The following IPCEF1 variants were observed in gnomAD, a reference collection of about 807,000 sequenced individuals.
IPCEF1 encodes interactor protein for cytohesin exchange factors 1.
Under a neutral mutation model 50.9 loss-of-function variants are expected in IPCEF1, and 31 were observed. The observed-to-expected ratio is 0.61, with a 90% CI of 0.46 to 0.82. IPCEF1 has a LOEUF of 0.82. Ranked by LOEUF, IPCEF1 falls within the 40% of genes least tolerant of loss-of-function variation. IPCEF1 has a pLI of 0.00. For synonymous variants in IPCEF1, 181 were observed against 192.0 expected (o/e 0.94, Z 0.47); for missense variants, 458 against 514.0 (o/e 0.89, Z 1.05).
At chr6:154,255,390 C>T (rs62433242) in intron 3 of IPCEF1, among the ~76,000 whole-genome samples, 19,284 of 152,252 alleles carry the variant, frequency 0.13, 1,413 homozygotes, top group Non-Finnish European at 0.17. Flanking sequence ...AACTATCACA[C>T]TGATCGATTT....
intron 1 of IPCEF1, among the ~76,000 whole-genome samples, chr6:154,299,518 C>T (rs372570146): frequency 7.1e-6 from 1 of 141,260 alleles, no homozygotes; most frequent in African/African-American, 2.5e-5. Flanking sequence ...ACACTGCATG[C>T]CCTCACTTAT....
intron 7 of IPCEF1, among the ~76,000 whole-genome samples, chr6:154,215,419 C>A (rs1028247388): frequency 6.6e-6 from 1 of 152,014 alleles, no homozygotes; most frequent in African/African-American, 2.4e-5. Context: ...GCCTGACCAA[C>A]AGGGAGAAAC....
intron 1 of IPCEF1, among the ~76,000 whole-genome samples, chr6:154,295,159 C>T (rs1384626379): frequency 6.6e-6 from 1 of 151,944 alleles, no homozygotes; most frequent in Non-Finnish European, 1.5e-5. Flanking sequence ...GATTGCGCCA[C>T]TGCACTCCAG....
At chr6:154,178,145 G>A (rs1378399379) in intron 10 of IPCEF1, among the ~76,000 whole-genome samples, 1 of 151,708 alleles carries the variant, frequency 6.6e-6, no homozygotes, top group Non-Finnish European at 1.5e-5. Flanking sequence ...GTTGGTGGGT[G>A]GGGGGCTGGG....
At chr6:154,327,629 A>G (rs1382865959) in intron 1 of IPCEF1, among the ~76,000 whole-genome samples, 2 of 152,222 alleles carry the variant, frequency 1.3e-5, no homozygotes, top group Non-Finnish European at 2.9e-5. Context: ...GTGGGAATGT[A>G]AATTAGTTCA....
chr6:154,349,317 G>A lies in IPCEF1; in HGVS notation c.-62+7355C>T, dbSNP rs558449874. ...AGTGATCCTCCTGCCTCCATCTCCT[G>A]AGTAGCTGAGACTACAGGCATGCTC... On this transcript the variant is annotated intron_variant, in intron 1 of 11. Transcript: ENST00000367220. Among the ~76,000 whole-genome samples the A allele has an allele frequency of 1.2e-4, 18 of 151,692 alleles. No homozygotes were observed. The East Asian group carries it at 3.5e-3, about 29-fold the overall frequency.
At chr6:154,243,425 T>C (rs895801028) in intron 5 of IPCEF1, among the ~76,000 whole-genome samples, 22 of 152,196 alleles carry the variant, frequency 1.4e-4, no homozygotes, top group African/African-American at 4.3e-4. Flanking sequence ...CAATGAATTC[T>C]AGGTAGTATA....
In IPCEF1 at chr6:154,223,242, G is replaced by T; in HGVS notation, c.248C>A (p.Ala83Glu). The T allele has an allele frequency of 6.2e-7, 1 of 1,611,052 alleles. No homozygotes were observed. Residue 83 changes from alanine (A) to glutamate (E), a missense_variant and splice_region_variant, in exon 6 of 12, where the codon GCA becomes GAA. Ala to Glu is a moderately radical substitution (Grantham distance 107, BLOSUM62 -1). Transcript: ENST00000367220. The part of the protein sequence containing the change: ...SSLYWYSNQM[A>E]EKADGFVNLP... The stretch of plus-strand genomic sequence containing the variant: ...GTTGACAAATCCATCAGCTTTCTCT[G>T]CCTGAAACAAATATATACCACAAAT...
chr6:154,171,018 A>C (rs1160834386), intron 10 of IPCEF1, among the ~76,000 whole-genome samples: 3 of 152,192 alleles, frequency 2.0e-5, no homozygotes, highest in African/African-American at 7.2e-5. Context: ...CTACAGGTGC[A>C]TGCCACCATG....
chr6:154,304,464 G>A (rs552286051), intron 1 of IPCEF1, among the ~76,000 whole-genome samples: 3 of 151,206 alleles, frequency 2.0e-5, no homozygotes, highest in Admixed American at 1.3e-4. Flanking sequence ...GGAAGGGTTG[G>A]CATCTCATTC....
intron 3 of IPCEF1, among the ~76,000 whole-genome samples, chr6:154,256,568 CGTGTGT>C (rs67830808): frequency 1.4e-5 from 2 of 147,588 alleles, no homozygotes; most frequent in Non-Finnish European, 3.0e-5. Flanking sequence ...TCTCTCTGTG[CGTGTGT>C]GTGTGTGTGT....
At chr6:154,208,410 C>A (rs1374823938) in intron 9 of IPCEF1, among the ~76,000 whole-genome samples, 1 of 152,330 alleles carries the variant, frequency 6.6e-6, no homozygotes, top group South Asian at 2.1e-4. Flanking sequence ...CCTGGCTCCT[C>A]TATTCTTTGC....
Position 154,157,267 on chromosome 6 carries a change from C to G in IPCEF1, c.*2561G>C, listed in dbSNP as rs1230177256. The G allele has an allele frequency of 2.0e-5, 3 of 152,314 alleles. No individual in the cohort carries two copies. The highest frequency in any genetic ancestry group is 7.2e-5 in the African/African-American group (3 of 41,462). The allele number at this position is 152,314 out of a possible 1,614,324, so 9.4% of individuals were successfully genotyped here. ...CACGTCTTAGTGGCCACAGCCTAGG[C>G]TGAGAACTCACAGAAGCAGCCCTAC... On this transcript the variant is annotated 3_prime_UTR_variant, in exon 12 of 12. Transcript: ENST00000367220.
chr6:154,170,757 C>A (rs1799807581), intron 10 of IPCEF1, among the ~76,000 whole-genome samples: 1 of 152,122 alleles, frequency 6.6e-6, no homozygotes, highest in South Asian at 2.1e-4. Flanking sequence ...CCCTTCACAC[C>A]CAGGGTGGCT....
intron 1 of IPCEF1, among the ~76,000 whole-genome samples, chr6:154,296,921 G>A (rs1039588764): frequency 6.6e-6 from 1 of 152,110 alleles, no homozygotes; most frequent in African/African-American, 2.4e-5. Context: ...AAGGCTGACA[G>A]GGCCCCAGCC....
chr6:154,281,910 A>T (rs1387422600), intron 2 of IPCEF1, among the ~76,000 whole-genome samples: 1 of 152,202 alleles, frequency 6.6e-6, no homozygotes, highest in Non-Finnish European at 1.5e-5. Context: ...AGGCTGAGAC[A>T]GGAGAATAAC....
At chr6:154,221,515 A>C (rs1223387365) in intron 6 of IPCEF1, among the ~76,000 whole-genome samples, 187 bp from the exon 7 acceptor site, 1 of 152,222 alleles carries the variant, frequency 6.6e-6, no homozygotes, top group Non-Finnish European at 1.5e-5. Context: ...ACTAAGAGTC[A>C]ATTTTTTATG....
intron 1 of IPCEF1, among the ~76,000 whole-genome samples, chr6:154,312,350 A>G (rs980922259): frequency 3.3e-5 from 5 of 151,996 alleles, no homozygotes; most frequent in African/African-American, 1.2e-4. Flanking sequence ...TCAAAGAATC[A>G]AAACTTTTTT....
At chr6:154,312,817 G>T (rs1053696960) in intron 1 of IPCEF1, among the ~76,000 whole-genome samples, 2 of 152,038 alleles carry the variant, frequency 1.3e-5, no homozygotes, top group African/African-American at 2.4e-5. Flanking sequence ...TAATGAGCTT[G>T]ATTTCGCTAT....
Sources: allele counts gnomAD v4.1 joint callset (sites outside exome capture counted in the v4.1 genomes callset), GRCh38; gene constraint gnomAD v4.1.1; transcripts MANE v1.5; gene names NCBI Gene and HGNC (gene_info 2026-07-23, HGNC 2026-07-21).